CMTM8: variants seen among roughly 807,000 people sequenced by gnomAD.
CMTM8 encodes the protein CKLF like MARVEL transmembrane domain containing 8.
CMTM8 carries 12 observed loss-of-function variants against 18.6 expected under a neutral mutation model. The ratio of observed to expected loss-of-function variants is 0.65; its 90% CI spans 0.41 to 1.05. The LOEUF (loss-of-function observed/expected upper bound fraction) is 1.05, where lower values mean the gene tolerates loss of function less well. Among genes scored for constraint, CMTM8 ranks in the 50% least tolerant of loss-of-function variants. The pLI is 0.00. For synonymous variants in CMTM8, 87 were observed against 90.6 expected, an observed-to-expected ratio of 0.96 and a Z score of 0.23; for missense variants, 217 against 227.2, an observed-to-expected ratio of 0.95 and a Z score of 0.29.
chr3:32,298,562 C>T (rs1490888187), intron 1 of CMTM8, among the ~76,000 whole-genome samples: 1 of 150,636 alleles, frequency 6.6e-6, no homozygotes, highest in East Asian at 2.0e-4. Context: ...CCAGCTTCTG[C>T]TAATTAAATT....
chr3:32,342,290 G>C (rs1487661509), intron 1 of CMTM8, among the ~76,000 whole-genome samples: 1 of 152,138 alleles, frequency 6.6e-6, no homozygotes, highest in East Asian at 1.9e-4. Context: ...GGGGCTAGCT[G>C]TGTGGGTCAA....
chr3:32,259,537 G>A, intron 1 of CMTM8: 1 of 795,436 alleles, frequency 1.3e-6, no homozygotes. Context: ...TGCAGCTGGA[G>A]ACAGAGATCG....
intron 1 of CMTM8, among the ~76,000 whole-genome samples, chr3:32,303,548 A>T (rs1004782504): frequency 2.0e-5 from 3 of 152,150 alleles, no homozygotes; most frequent in Non-Finnish European, 1.5e-5. Flanking sequence ...TTTGGTTCTC[A>T]TACTTTCTTC....
At chr3:32,241,362 C>T (rs992737141) in intron 1 of CMTM8, among the ~76,000 whole-genome samples, 2 of 151,080 alleles carry the variant, frequency 1.3e-5, no homozygotes, top group African/African-American at 4.8e-5. Flanking sequence ...GAATTTTCAG[C>T]TTTACAGATG....
intron 1 of CMTM8, among the ~76,000 whole-genome samples, chr3:32,245,693 T>C (rs1437318498): frequency 6.6e-6 from 1 of 152,224 alleles, no homozygotes; most frequent in Non-Finnish European, 1.5e-5. Flanking sequence ...TACTGAGAGT[T>C]GGAATTTTAA....
intron 1 of CMTM8, among the ~76,000 whole-genome samples, chr3:32,314,196 C>T (rs770729413): frequency 6.6e-6 from 1 of 152,148 alleles, no homozygotes; most frequent in Non-Finnish European, 1.5e-5. Flanking sequence ...ATTGGGCCCT[C>T]TGGAGAAAGG....
intron 1 of CMTM8, among the ~76,000 whole-genome samples, chr3:32,273,128 A>AGTGTGTGTGTGTGT (rs1559366913): frequency 3.1e-5 from 2 of 64,866 alleles, no homozygotes; most frequent in Admixed American, 1.6e-4. Context: ...AATTGGAACA[A>AGTGTGTGTGTGTGT]ATGTGTGTGT....
intron 1 of CMTM8, among the ~76,000 whole-genome samples, chr3:32,289,708 A>C (rs1348556892): frequency 2.6e-5 from 4 of 152,256 alleles, no homozygotes; most frequent in Non-Finnish European, 5.9e-5. Context: ...TACCATACTT[A>C]GTGATGAAAC....
chr3:32,270,795 A>C (rs1020212300), intron 1 of CMTM8, among the ~76,000 whole-genome samples: 1 of 152,136 alleles, frequency 6.6e-6, no homozygotes, highest in Non-Finnish European at 1.5e-5. Context: ...GGTGCAGCAC[A>C]CCAACATGGC....
At chr3:32,272,819 T>G (rs1439187464) in intron 1 of CMTM8, among the ~76,000 whole-genome samples, 1 of 152,154 alleles carries the variant, frequency 6.6e-6, no homozygotes, top group Non-Finnish European at 1.5e-5. Context: ...ATCCTCACAT[T>G]GAAGGGATGG....
intron 2 of CMTM8, among the ~76,000 whole-genome samples, chr3:32,366,954 C>T (rs939970211): frequency 6.6e-6 from 1 of 152,208 alleles, no homozygotes; most frequent in Non-Finnish European, 1.5e-5. Context: ...CATACAACCT[C>T]TGCCACAAGG....
At chr3:32,365,294 G>A (rs955087470) in intron 2 of CMTM8, among the ~76,000 whole-genome samples, 5 of 144,658 alleles carry the variant, frequency 3.5e-5, no homozygotes, top group African/African-American at 1.0e-4. Context: ...AAAATAAGCC[G>A]GTATTTGAGA....
chr3:32,261,897 G>A (rs1702264360), intron 1 of CMTM8, among the ~76,000 whole-genome samples: 1 of 152,168 alleles, frequency 6.6e-6, no homozygotes, highest in African/African-American at 2.4e-5. Context: ...AATATTCATT[G>A]TCTTAGAGTT....
intron 1 of CMTM8, among the ~76,000 whole-genome samples, chr3:32,300,411 G>T (rs1163889821): frequency 6.6e-6 from 1 of 152,132 alleles, no homozygotes; most frequent in East Asian, 1.9e-4. Context: ...TTTTATGGCT[G>T]GCTTTGGGGA....
intron 1 of CMTM8, among the ~76,000 whole-genome samples, chr3:32,286,141 AGTCTCTGTT>A (rs1033174984): frequency 1.3e-5 from 2 of 152,226 alleles, no homozygotes; most frequent in African/African-American, 4.8e-5. Context: ...CAGAGCATGC[AGTCTCTGTT>A]GTAGCGGCCC....
At chr3:32,283,810 G>C (rs1210061920) in intron 1 of CMTM8, among the ~76,000 whole-genome samples, 3 of 152,198 alleles carry the variant, frequency 2.0e-5, no homozygotes, top group African/African-American at 4.8e-5. Flanking sequence ...AGATGTGCTC[G>C]TAGTTTATGG....
chr3:32,329,729 C>T (rs1696233759), intron 1 of CMTM8, among the ~76,000 whole-genome samples: 1 of 152,028 alleles, frequency 6.6e-6, no homozygotes, highest in Admixed American at 6.6e-5. Flanking sequence ...CTACTCTGAC[C>T]ACCTCTATTC....
At chr3:32,267,420 C>G (rs1000633129) in intron 1 of CMTM8, among the ~76,000 whole-genome samples, 17 of 152,122 alleles carry the variant, frequency 1.1e-4, no homozygotes, top group Non-Finnish European at 2.5e-4. Flanking sequence ...GAAACGGGAC[C>G]CCTTCCTTAC....
intron 1 of CMTM8, among the ~76,000 whole-genome samples, chr3:32,243,603 G>A (rs1420212804): frequency 1.3e-5 from 2 of 151,784 alleles, no homozygotes; most frequent in Non-Finnish European, 2.9e-5. Flanking sequence ...CACATTTTTG[G>A]ATAATTGTCT....
Sources: allele counts gnomAD v4.1 joint callset (sites outside exome capture counted in the v4.1 genomes callset), GRCh38; gene constraint gnomAD v4.1.1; transcripts MANE v1.5; gene names NCBI Gene and HGNC (gene_info 2026-07-23, HGNC 2026-07-21).